OTOGL: variants seen among roughly 807,000 people sequenced by gnomAD.
OTOGL encodes the protein otogelin like.
In OTOGL, 285 loss-of-function variants were observed where a neutral mutation model predicts 318.5. The ratio of observed to expected loss-of-function variants is 0.89; its 90% confidence interval spans 0.81 to 0.99. The LOEUF (loss-of-function observed/expected upper bound fraction) is 0.99, where lower values mean the gene tolerates loss of function less well. OTOGL is among the 50% of genes least tolerant of loss of function. OTOGL has a pLI of 0.00. For missense variants in OTOGL, 2,899 were observed against 2,845.6 expected, an observed-to-expected ratio of 1.02 and a Z score of -0.43; for synonymous variants, 987 against 936.5, an observed-to-expected ratio of 1.05 and a Z score of -0.99.
chr12:80,317,768 A>G (rs777246319), intron 32 of OTOGL, among the ~76,000 whole-genome samples: 40 of 152,118 alleles, frequency 2.6e-4, no homozygotes, highest in Non-Finnish European at 5.6e-4. Flanking sequence ...ATTTTGGCTC[A>G]TGGAGAAACA....
In OTOGL at chr12:80,313,412, C is replaced by T. The variant is rs181787706; in HGVS notation, c.3451-64C>T. 1.4e-4 allele frequency: 202 copies of T among 1,444,282 alleles called. 1 individual carries two copies. The highest frequency in any genetic ancestry group is 4.2e-4 in the Middle Eastern group (2 of 4,708). The allele number at this position is 1,444,282 out of a possible 1,614,324, so 89.5% of individuals were successfully genotyped here. A position where few individuals can be genotyped will look rare whatever the true frequency, so the allele number is the denominator to read the frequency against. On this transcript the variant is annotated intron_variant, in intron 30 of 58. Transcript: ENST00000547103. ...CTTTGAAAACACATAGTTTTTTAGA[C>T]GGTTGACTTTAAATCATAATCAGTA... is the stretch of plus-strand genomic sequence containing the variant.
chr12:80,270,142 A>T lies in OTOGL; in HGVS notation c.2506A>T (p.Thr836Ser). 1 of 1,603,786 alleles carries T rather than the reference A, an allele frequency of 6.2e-7. No homozygotes were observed. Among genetic ancestry groups the T allele is most frequent in the Non-Finnish European group, 8.5e-7 (1 of 1,171,288 alleles). ...NGTVKCDELATPSAVHICPEG... is the reference protein window; with the variant it reads ...NGTVKCDELASPSAVHICPEG... ...GACTGTGAAATGTGATGAATTAGCAACGCCCTCTGCTGGTAAGATCTTAAA... is the reference window on the plus strand; with the variant it reads ...GACTGTGAAATGTGATGAATTAGCATCGCCCTCTGCTGGTAAGATCTTAAA... The change falls in exon 23 of 59, where the codon ACG (threonine) becomes TCG (serine). Residue 836 changes from threonine (T) to serine (S), a missense_variant. Around this residue, in one of 3 missense-constraint regions of OTOGL, gnomAD observed 2,607 missense variants for 2,524.9 expected, o/e 1.03. Coordinates refer to ENST00000547103, the MANE Select transcript of OTOGL (RefSeq NM_001378609.3).
At chr12:80,227,659 C>G (rs1265283777) in intron 7 of OTOGL, among the ~76,000 whole-genome samples, 1 of 152,130 alleles carries the variant, frequency 6.6e-6, no homozygotes, top group African/African-American at 2.4e-5. Context: ...GAAGAATCCT[C>G]CAACATCTAG....
chr12:80,101,573 TTCA>T (rs2137063745), intron 1 of OTOGL, among the ~76,000 whole-genome samples: 1 of 152,332 alleles, frequency 6.6e-6, no homozygotes, highest in African/African-American at 2.4e-5. Context: ...TTATAACATA[TTCA>T]TCATGTAGAG....
chr12:80,243,025 A>AT (rs112322935), intron 11 of OTOGL, among the ~76,000 whole-genome samples: 7,375 of 148,382 alleles, frequency 0.05, 603 homozygotes, highest in African/African-American at 0.17. Context: ...GAAAACCAAG[A>AT]TTTTTTTTTT....
intron 1 of OTOGL, among the ~76,000 whole-genome samples, chr12:80,196,823 C>A (rs1359259440): frequency 6.6e-6 from 1 of 152,174 alleles, no homozygotes; most frequent in African/African-American, 2.4e-5. Flanking sequence ...AGAAGTCTAA[C>A]TGGATTTCCT....
chr12:80,367,488 T>G (rs1890614849), intron 53 of OTOGL, 73 bp from the exon 54 acceptor site: 2 of 1,182,630 alleles, frequency 1.7e-6, no homozygotes, highest in Non-Finnish European at 2.3e-6. Context: ...TAGACTCAAA[T>G]ATAAGTTCCA....
chr12:80,349,999 G>T (rs1194213833), intron 44 of OTOGL, among the ~76,000 whole-genome samples: 1 of 152,140 alleles, frequency 6.6e-6, no homozygotes, highest in Non-Finnish European at 1.5e-5. Context: ...TCAACATGCT[G>T]TACAATAGAT....
chr12:80,120,702 A>T (rs1374687281), intron 1 of OTOGL, among the ~76,000 whole-genome samples: 1 of 152,216 alleles, frequency 6.6e-6, no homozygotes, highest in Non-Finnish European at 1.5e-5. Flanking sequence ...CGGTAAGCTG[A>T]CTTGTTAAAA....
Position 80,372,051 on chromosome 12 carries a change from C to A in OTOGL, c.6768C>A (p.Gly2256=). 6.4e-7 allele frequency: 1 copy of A among 1,552,206 alleles called. No individual in the cohort carries two copies. Among genetic ancestry groups the A allele is most frequent in the Non-Finnish European group, 8.7e-7 (1 of 1,147,390 alleles). ...NEGIVKLYNE[G]CCKICKREER... ...GGATTGTGAAGCTTTATAATGAAGG[C>A]TGTTGCAAGATCTGTAAGTGAGAGC... is the stretch of plus-strand genomic sequence containing the variant. The change falls in exon 57 of 59, where the codon GGC becomes GGA. Residue 2256 remains glycine, a synonymous_variant. Coordinates refer to ENST00000547103, the MANE Select transcript of OTOGL (RefSeq NM_001378609.3).
chr12:80,110,146 C>T (rs1869746991), intron 1 of OTOGL, among the ~76,000 whole-genome samples: 1 of 145,704 alleles, frequency 6.9e-6, no homozygotes, highest in South Asian at 2.2e-4. Context: ...CGGCTCACTA[C>T]AAGCTTCGTC....
Position 80,339,151 on chromosome 12 carries a change from A to T in OTOGL, c.4937A>T (p.Tyr1646Phe). 1.2e-6 allele frequency: 2 copies of T among 1,610,896 alleles called. No individual in the cohort carries two copies. The highest frequency in any genetic ancestry group is 1.7e-6 in the Non-Finnish European group (2 of 1,177,222). The change falls in exon 43 of 59, where the codon TAT becomes TTT. Residue 1646 changes from tyrosine (Y) to phenylalanine (F), a missense_variant. By Grantham distance (22) the Tyr-to-Phe change is conservative (BLOSUM62 3). Around this residue, in one of 3 missense-constraint regions of OTOGL, gnomAD observed 2,607 missense variants for 2,524.9 expected, o/e 1.03. Transcript: ENST00000547103. ...ELSIEDSGSM[Y>F]VITTPAGLII... ...TCCATAGAGGATTCTGGTTCAATGTATGTAATTACTACTCCAGCTGGACTA... is the reference window on the plus strand; with the variant it reads ...TCCATAGAGGATTCTGGTTCAATGTTTGTAATTACTACTCCAGCTGGACTA...
At chr12:80,353,547 C>A in intron 46 of OTOGL, 37 bp downstream of exon 46, 1 of 1,349,228 alleles carries the variant, frequency 7.4e-7, no homozygotes, top group East Asian at 2.7e-5. Flanking sequence ...CTCAGGAATC[C>A]GGCAAACAAA....
intron 1 of OTOGL, among the ~76,000 whole-genome samples, chr12:80,177,280 G>A (rs927768513): frequency 1.3e-5 from 2 of 152,136 alleles, no homozygotes; most frequent in African/African-American, 2.4e-5. Context: ...CCCGTTTCAA[G>A]TTAACATTTG....
intron 37 of OTOGL, 125 bp downstream of exon 37, chr12:80,329,244 A>C: frequency 1.4e-6 from 1 of 728,406 alleles, no homozygotes; most frequent in Non-Finnish European, 2.1e-6. Flanking sequence ...GAAACCCAGC[A>C]GTCACTTTTG....
chr12:80,324,155 C>T (rs1043876317), intron 35 of OTOGL, among the ~76,000 whole-genome samples: 10 of 152,134 alleles, frequency 6.6e-5, no homozygotes, highest in South Asian at 4.2e-4. Flanking sequence ...ATTGTTATGG[C>T]GGATATGTGT....
chr12:80,204,717 T>G (rs1402535328), intron 1 of OTOGL, among the ~76,000 whole-genome samples: 3 of 152,088 alleles, frequency 2.0e-5, no homozygotes, highest in African/African-American at 7.2e-5. Flanking sequence ...TGTAAATGGT[T>G]GAATAAGTTC....
At chr12:80,344,466 T>G (rs1889032632) in intron 44 of OTOGL, among the ~76,000 whole-genome samples, 1 of 152,096 alleles carries the variant, frequency 6.6e-6, no homozygotes, top group Non-Finnish European at 1.5e-5. Context: ...TGCTTGAACC[T>G]GGGAGGTGGA....
chr12:80,188,151 A>G (rs1875423925), intron 1 of OTOGL, among the ~76,000 whole-genome samples: 1 of 152,180 alleles, frequency 6.6e-6, no homozygotes, highest in Middle Eastern at 3.2e-3. Context: ...AATATTTGTC[A>G]TGCACTTGGA....
Sources: gnomAD v4.1 joint callset for allele counts (sites outside exome capture counted in the v4.1 genomes callset) on GRCh38, gnomAD v4.1.1 for gene constraint, gnomAD v4.1.1 regional missense constraint, MANE v1.5 for transcripts, NCBI Gene and HGNC (gene_info 2026-07-23, HGNC 2026-07-21) for gene names.